Variants in SLC75A1 observed in about 807,000 individuals in gnomAD.
SLC75A1 encodes major facilitator superfamily domain containing 10.
the SLC75A1 span, chr4:2,933,314 T>C: frequency 2.6e-6 from 3 of 1,168,878 alleles, no homozygotes; most frequent in African/African-American, 4.6e-5. Context: ...CCAGTCATGC[T>C]GGGCCCTACA....
chr4:2,934,593 T>A, the SLC75A1 span: 1 of 64,524 alleles, frequency 1.5e-5, no homozygotes, highest in African/African-American at 6.4e-5. Flanking sequence ...GCGCCCCTGG[T>A]CCAGCCCCAC....
At chr4:2,933,630 C>G in the SLC75A1 span, 64 of 1,613,686 alleles carry the variant, frequency 4.0e-5, no homozygotes, top group Non-Finnish European at 5.3e-5. Context: ...GCAAACCAGT[C>G]CACCCCGCCC....
the SLC75A1 span, chr4:2,933,019 C>G: frequency 7.5e-7 from 1 of 1,339,316 alleles, no homozygotes; most frequent in South Asian, 1.3e-5. Flanking sequence ...GGGCCCACAG[C>G]CACCTCCCTC....
chr4:2,931,762 G>C, the SLC75A1 span: 1 of 1,540,366 alleles, frequency 6.5e-7, no homozygotes, highest in South Asian at 1.2e-5. Context: ...GATGGGGGTT[G>C]CTTCCCTGAA....
the SLC75A1 span, chr4:2,932,694 G>A: frequency 6.2e-7 from 1 of 1,608,200 alleles, no homozygotes; most frequent in Non-Finnish European, 8.5e-7. Flanking sequence ...AATCAGCCTG[G>A]AGGCCAGGAA....
At chr4:2,933,582 T>C in the SLC75A1 span, 4 of 1,613,782 alleles carry the variant, frequency 2.5e-6, no homozygotes, top group Non-Finnish European at 3.4e-6. Context: ...AACAGGACAC[T>C]GTTGTACCTC....
the SLC75A1 span, chr4:2,931,795 A>G: frequency 6.4e-7 from 1 of 1,565,518 alleles, no homozygotes; most frequent in Non-Finnish European, 8.7e-7. Context: ...TTTCAGGGAG[A>G]CAGCAGGCCG....
chr4:2,934,137 G>T, the SLC75A1 span: 1 of 607,438 alleles, frequency 1.6e-6, no homozygotes, highest in Non-Finnish European at 2.9e-6. Flanking sequence ...GCAGGCTTCG[G>T]GGATTGCACA....
At chr4:2,932,981 G>T in the SLC75A1 span, 1 of 1,040,704 alleles carries the variant, frequency 9.6e-7, no homozygotes, top group Non-Finnish European at 1.4e-6. Flanking sequence ...CCTCCAGGAT[G>T]CGATGAGGGC....
At chr4:2,933,133 C>T in the SLC75A1 span, 1 of 1,613,678 alleles carries the variant, frequency 6.2e-7, no homozygotes, top group Non-Finnish European at 8.5e-7. Context: ...CCGGGCGCCT[C>T]CCCAAGCAGT....
the SLC75A1 span, chr4:2,931,796 C>G: frequency 3.8e-6 from 6 of 1,568,264 alleles, no homozygotes; most frequent in South Asian, 5.8e-5. Flanking sequence ...TTCAGGGAGA[C>G]AGCAGGCCGT....
At chr4:2,932,048 C>T in the SLC75A1 span, 2 of 1,611,078 alleles carry the variant, frequency 1.2e-6, no homozygotes, top group South Asian at 2.2e-5. Context: ...TCCTTACTGT[C>T]TCCAGAGGGT....
At chr4:2,933,711 T>C in the SLC75A1 span, 1 of 1,597,522 alleles carries the variant, frequency 6.3e-7, no homozygotes, top group African/African-American at 1.4e-5. Context: ...CTGATGGGCC[T>C]GGGGGGCAGG....
the SLC75A1 span, chr4:2,931,635 T>TGAGGAAAAAC: frequency 1.2e-6 from 2 of 1,613,526 alleles, no homozygotes; most frequent in Non-Finnish European, 1.7e-6. Flanking sequence ...GTGAGGCCGA[T>TGAGGAAAAAC]GAGGAAAAAC....
the SLC75A1 span, chr4:2,930,893 G>T: frequency 3.1e-6 from 5 of 1,612,972 alleles, no homozygotes; most frequent in Non-Finnish European, 4.2e-6. Context: ...GAGGAAGAAG[G>T]GGAGCAAAAA....
chr4:2,930,668 C>T, the SLC75A1 span: 1 of 670,728 alleles, frequency 1.5e-6, no homozygotes, highest in Non-Finnish European at 2.6e-6. Context: ...CTCGGAGTCA[C>T]TGAAGGAGTA....
chr4:2,933,469 A>T, the SLC75A1 span: 1 of 1,316,802 alleles, frequency 7.6e-7, no homozygotes, highest in Non-Finnish European at 1.1e-6. Context: ...AGGGAGTGGG[A>T]AGGCAAGGAC....
the SLC75A1 span, chr4:2,931,845 G>C: frequency 6.2e-7 from 1 of 1,606,820 alleles, no homozygotes; most frequent in Non-Finnish European, 8.5e-7. Flanking sequence ...GGAAGCGCTG[G>C]TGTGTGAGGA....
the SLC75A1 span, chr4:2,933,783 G>A: frequency 7.5e-6 from 12 of 1,591,788 alleles, no homozygotes; most frequent in South Asian, 2.3e-5. Context: ...CCAACAGCCC[G>A]GGCAGCAGGG....
Sources: allele counts gnomAD v4.1 joint callset, GRCh38; gene constraint gnomAD v4.1.1; transcripts MANE v1.5; gene names NCBI Gene and HGNC (gene_info 2026-07-23, HGNC 2026-07-21).